Variants in FRMD3 observed in about 807,000 individuals in gnomAD.
FRMD3 encodes the protein FERM domain-containing protein 3.
Under a neutral mutation model 70.2 loss-of-function variants are expected in FRMD3, and 33 were observed. The observed-to-expected ratio is 0.47, with a 90% CI of 0.36 to 0.63. The LOEUF (loss-of-function observed/expected upper bound fraction) is 0.63, where lower values mean the gene tolerates loss of function less well. Ranked by LOEUF, FRMD3 falls within the 20% of genes least tolerant of loss-of-function variation. The pLI is 0.00. For synonymous variants in FRMD3, 279 were observed against 255.9 expected, an observed-to-expected ratio of 1.09 and a Z score of -0.86; for missense variants, 632 against 711.4, an observed-to-expected ratio of 0.89 and a Z score of 1.27.
intron 1 of FRMD3, among the ~76,000 whole-genome samples, chr9:83,444,387 C>G (rs1188203707): frequency 1.3e-5 from 2 of 152,240 alleles, no homozygotes; most frequent in Non-Finnish European, 2.9e-5. Context: ...TTATCTCAGA[C>G]AGTCGGGGCT....
chr9:83,519,788 A>G (rs937163506), intron 1 of FRMD3, among the ~76,000 whole-genome samples: 6 of 152,236 alleles, frequency 3.9e-5, no homozygotes, highest in Admixed American at 3.3e-4. Flanking sequence ...TGTGGCACTT[A>G]TACACGATGG....
intron 13 of FRMD3, among the ~76,000 whole-genome samples, chr9:83,288,502 C>A (rs941225657): frequency 3.9e-5 from 6 of 152,184 alleles, no homozygotes; most frequent in Non-Finnish European, 7.3e-5. Context: ...AACTTTAAAA[C>A]CCACAAAGAT....
the FRMD3 span, among the ~76,000 whole-genome samples, chr9:83,562,569 GGC>G: frequency 6.6e-6 from 1 of 152,100 alleles, no homozygotes; most frequent in Non-Finnish European, 1.5e-5. Flanking sequence ...TTCTCGGCCG[GGC>G]CACCTGGGAC....
chr9:83,335,627 T>C lies in FRMD3; in HGVS notation c.485A>G (p.Asp162Gly). ...GACIVQAELG[D>G]YDPDEHPENY... The stretch of plus-strand genomic sequence containing the variant: ...CTCAGGATGCTCATCAGGATCGTAA[T>C]CACCAAGCTCAGCTGTAATGAGTGA... The change falls in exon 6 of 14, where the codon GAT (aspartate) becomes GGT (glycine). Residue 162 changes from aspartate to glycine, a missense_variant. Physicochemically the swap from Asp to Gly is moderately conservative, Grantham distance 94. Coordinates refer to ENST00000304195, the MANE Select transcript of FRMD3 (RefSeq NM_174938.6). 6.2e-7 allele frequency: 1 copy of C among 1,612,872 alleles called. No homozygotes were observed. The highest frequency in any genetic ancestry group is 8.5e-7 in the Non-Finnish European group (1 of 1,179,342).
chr9:83,402,167 C>T (rs749132164), intron 1 of FRMD3, among the ~76,000 whole-genome samples: 18 of 150,614 alleles, frequency 1.2e-4, no homozygotes, highest in Middle Eastern at 3.2e-3. Context: ...AAAAATACAG[C>T]AACAGTCAAT....
rs541907240 is a variant in FRMD3, at chr9:83,510,667, G to A, written c.147+27418C>T. Among the ~76,000 whole-genome samples, 19 of 152,256 alleles carry A rather than the reference G, an allele frequency of 1.2e-4. No individual in the cohort carries two copies. The South Asian group carries it at 3.1e-3, about 25-fold the overall frequency. On this transcript the variant is annotated intron_variant, in intron 1 of 13. Transcript: ENST00000304195. ...ACTAACTGCGGTACGTCCATATAAC[G>A]AAATAGTATTTGGCAATAAAAAGAA...
intron 9 of FRMD3, 72 bp from the exon 10 acceptor site, chr9:83,309,696 T>TA: frequency 1.1e-6 from 1 of 918,314 alleles, no homozygotes; most frequent in Non-Finnish European, 1.7e-6. Flanking sequence ...TTTTTTTTTT[T>TA]CAGGTGTTTA....
At chr9:83,372,370 GAAAA>G (rs34110409) in intron 3 of FRMD3, among the ~76,000 whole-genome samples, 3 of 18,494 alleles carry the variant, frequency 1.6e-4, no homozygotes, top group African/African-American at 4.9e-4. Flanking sequence ...AGAGAGAGAC[GAAAA>G]AAAAAAAAAA....
the FRMD3 span, among the ~76,000 whole-genome samples, chr9:83,549,418 T>C: frequency 6.6e-6 from 1 of 152,192 alleles, no homozygotes; most frequent in Admixed American, 6.5e-5. Flanking sequence ...CGAATATTTG[T>C]GTACATGTGT....
chr9:83,479,754 AG>A (rs1373956223), intron 1 of FRMD3, among the ~76,000 whole-genome samples: 1 of 114,846 alleles, frequency 8.7e-6, no homozygotes, highest in Non-Finnish European at 1.8e-5. Flanking sequence ...AGAAAAGAGA[AG>A]AAGAAGGGAG....
intron 1 of FRMD3, among the ~76,000 whole-genome samples, chr9:83,405,169 A>T (rs541113086): frequency 1.3e-5 from 2 of 152,310 alleles, no homozygotes; most frequent in East Asian, 3.9e-4. Flanking sequence ...GCACAAGTGC[A>T]TGGTAGAGTC....
At chr9:83,318,644 G>A (rs1017774038) in intron 6 of FRMD3, among the ~76,000 whole-genome samples, 1 of 152,002 alleles carries the variant, frequency 6.6e-6, no homozygotes, top group African/African-American at 2.4e-5. Flanking sequence ...CCTTTGGGTA[G>A]ATATATATAC....
chr9:83,282,018 C>A (rs1179061829), intron 13 of FRMD3, among the ~76,000 whole-genome samples: 1 of 152,316 alleles, frequency 6.6e-6, no homozygotes, highest in Non-Finnish European at 1.5e-5. Flanking sequence ...CTTAGTTACC[C>A]ATTCTGTTTC....
intron 1 of FRMD3, among the ~76,000 whole-genome samples, chr9:83,471,936 T>G (rs1215303965): frequency 6.6e-6 from 1 of 152,200 alleles, no homozygotes; most frequent in African/African-American, 2.4e-5. Context: ...CTAACTCATG[T>G]GAGCCTTGTA....
the FRMD3 span, among the ~76,000 whole-genome samples, chr9:83,558,286 G>A: frequency 0.012 from 1,812 of 152,200 alleles, 39 homozygotes; most frequent in African/African-American, 0.041. Flanking sequence ...GTGCGCGCGC[G>A]CACGCACATG....
At chr9:83,313,623 A>C (rs774440436) in intron 7 of FRMD3, 37 bp downstream of exon 7, 23 of 1,518,560 alleles carry the variant, frequency 1.5e-5, no homozygotes, top group Non-Finnish European at 2.1e-5. Flanking sequence ...TGGGCAAAAC[A>C]ACCATTATAT....
the FRMD3 span, among the ~76,000 whole-genome samples, chr9:83,571,838 T>A: frequency 2.0e-5 from 3 of 151,970 alleles, 1 homozygote; most frequent in Admixed American, 6.6e-5. Flanking sequence ...TTGGCTGGAG[T>A]GTGTTTCAAA....
At chr9:83,499,950 G>T (rs1283359516) in intron 1 of FRMD3, among the ~76,000 whole-genome samples, 1 of 152,144 alleles carries the variant, frequency 6.6e-6, no homozygotes, top group African/African-American at 2.4e-5. Flanking sequence ...GCCACAAAAA[G>T]ACCTGGAGGA....
chr9:83,377,859 A>G lies in FRMD3; in HGVS notation c.253-4904T>C, dbSNP rs1257625452. Among the ~76,000 whole-genome samples the G allele has an allele frequency of 4.6e-5, 7 of 152,184 alleles. No individual in the cohort carries two copies. In the East Asian group the frequency reaches 1.3e-3, roughly 29 times the overall value. ...CAGTACATTACACAAATAATTAAAA[A>G]TCTACTTTTTAAAAAAAGACGGCTA... On this transcript the variant is annotated intron_variant, in intron 2 of 13. Coordinates refer to ENST00000304195, the MANE Select transcript of FRMD3 (RefSeq NM_174938.6).
Sources: allele counts gnomAD v4.1 joint callset (sites outside exome capture counted in the v4.1 genomes callset), GRCh38; gene constraint gnomAD v4.1.1; transcripts MANE v1.5; gene names NCBI Gene and HGNC (gene_info 2026-07-23, HGNC 2026-07-21).